LINS1: variants seen among roughly 807,000 people sequenced by gnomAD.
LINS1 encodes the protein lines homolog 1.
In LINS1, 27 loss-of-function variants were observed where a neutral mutation model predicts 41.6. The observed-to-expected ratio is 0.65, with a 90% confidence interval of 0.48 to 0.89. LINS1 has a LOEUF of 0.89. Ranked by LOEUF, LINS1 falls within the 40% of genes least tolerant of loss-of-function variation. LINS1 has a pLI of 0.00. For synonymous variants in LINS1, 336 were observed against 312.9 expected (o/e 1.07, Z -0.78); for missense variants, 955 against 884.1 (o/e 1.08, Z -1.02).
At chr15:100,579,187 A>T (rs2038376922) in intron 3 of LINS1, among the ~76,000 whole-genome samples, 1 of 148,394 alleles carries the variant, frequency 6.7e-6, no homozygotes, top group Non-Finnish European at 1.5e-5. Flanking sequence ...AAATATATAT[A>T]TAAAAAAATA....
Position 100,580,781 on chromosome 15 carries a change from A to T in LINS1, c.62T>A (p.Leu21His). The change falls in exon 2 of 7, where the codon CTT (leucine) becomes CAT (histidine). Residue 21 changes from leucine to histidine, a missense_variant. Coordinates refer to ENST00000314742, the MANE Select transcript of LINS1 (RefSeq NM_001040616.3). ...LYKKVLLGAT[L>H]ENDSHDYIFY... ...GATGTAATCATGGCTGTCATTTTCA[A>T]GTGTGGCTCCAAGAAGTACCTTCTT... The T allele has an allele frequency of 6.2e-7, 1 of 1,609,940 alleles. No individual in the cohort carries two copies. The highest frequency in any genetic ancestry group is 8.5e-7 in the Non-Finnish European group (1 of 1,177,234).
At chr15:100,589,771 T>A (rs1054641803) in intron 1 of LINS1, among the ~76,000 whole-genome samples, 3 of 152,228 alleles carry the variant, frequency 2.0e-5, no homozygotes, top group Non-Finnish European at 4.4e-5. Context: ...GGGATTTTAT[T>A]CAATTATTAT....
Position 100,574,024 on chromosome 15 carries a change from C to CA in LINS1, c.848dup (p.Met283IlefsTer14). ...GAATAGGCCAGGTAATAACTTCTAG[C>CA]ATGCAAGATGGTTTCAAAAATAAAA... On this transcript the variant is annotated frameshift_variant, in exon 5 of 7. Coordinates refer to ENST00000314742, the MANE Select transcript of LINS1 (RefSeq NM_001040616.3). LOFTEE classifies it high-confidence loss of function. 6.2e-7 allele frequency: 1 copy of CA among 1,613,974 alleles called. No homozygotes were observed. Among genetic ancestry groups the CA allele is most frequent in the Non-Finnish European group, 8.5e-7 (1 of 1,179,844 alleles).
At position 100,571,799 on chromosome 15, in the gene LINS1, G is replaced by A. The variant is rs887031976; in HGVS notation, c.1394+95C>T. The A allele has an allele frequency of 4.2e-6, 6 of 1,416,344 alleles. No homozygotes were observed. The Admixed American group carries it at 5.1e-5, about 12-fold the overall frequency. The allele number at this position is 1,416,344 out of a possible 1,614,324, so 87.7% of individuals were successfully genotyped here. ...TGCAACAGGATGTTTTCCCCCAAAT[G>A]ATGAAAGTAAGCAACACGCCCAGCA... On this transcript the variant is annotated intron_variant, in intron 6 of 6. Transcript: ENST00000314742.
At chr15:100,572,325 CA>C in intron 5 of LINS1, 3 of 1,256,950 alleles carry the variant, frequency 2.4e-6, no homozygotes, top group Non-Finnish European at 2.0e-6. Context: ...AACTGCCTAA[CA>C]ACTGTCTCTT....
intron 3 of LINS1, among the ~76,000 whole-genome samples, chr15:100,575,787 C>T (rs2038137659): frequency 6.6e-6 from 1 of 152,174 alleles, no homozygotes; most frequent in Admixed American, 6.5e-5. Context: ...AAGCACTCCT[C>T]AGCAAATGTA....
At chr15:100,573,554 A>C in intron 5 of LINS1, 97 bp downstream of exon 5, 1 of 863,584 alleles carries the variant, frequency 1.2e-6, no homozygotes, top group African/African-American at 1.7e-5. Flanking sequence ...AGCTTAAATT[A>C]CTGGAATTTA....
Position 100,569,466 on chromosome 15 carries a change from C to G in LINS1, c.2046G>C (p.Leu682=). 1 of 1,614,136 alleles carries G rather than the reference C, an allele frequency of 6.2e-7. No homozygotes were observed. The highest frequency in any genetic ancestry group is 8.5e-7 in the Non-Finnish European group (1 of 1,180,016). ...EFSLEPPSRP[L]VLKEFDTAFS... ...AGGCAGTATCAAATTCTTTCAGAACCAGAGGCCTTGATGGAGGCTCAAGGC... is the reference window on the plus strand; with the variant it reads ...AGGCAGTATCAAATTCTTTCAGAACGAGAGGCCTTGATGGAGGCTCAAGGC... Residue 682 remains leucine, a synonymous_variant, in exon 7 of 7, where the codon CTG becomes CTC. Coordinates refer to ENST00000314742, the MANE Select transcript of LINS1 (RefSeq NM_001040616.3).
chr15:100,569,799 T>C lies in LINS1; in HGVS notation c.1713A>G (p.Gln571=), dbSNP rs1305600258. The change falls in exon 7 of 7, where the codon CAA becomes CAG. Residue 571 remains glutamine, a synonymous_variant. Coordinates refer to ENST00000314742, the MANE Select transcript of LINS1 (RefSeq NM_001040616.3). The stretch of plus-strand genomic sequence containing the variant: ...GAGCAGTCAAACGATGGGGTATTGT[T>C]TGGTTGGAGCTTTGGTCTTGGACAA... ...PSLVQDQSSN[Q]TIPHRLTAPH... is the part of the protein sequence containing the mutation. 1.2e-6 allele frequency: 2 copies of C among 1,613,986 alleles called. No individual in the cohort carries two copies. Among genetic ancestry groups the C allele is most frequent in the African/African-American group, 2.7e-5 (2 of 74,906 alleles).
At chr15:100,573,535 A>T in intron 5 of LINS1, 116 bp downstream of exon 5, 1 of 794,460 alleles carries the variant, frequency 1.3e-6, no homozygotes, top group East Asian at 2.7e-5. Context: ...TACAAATAGG[A>T]TAACATACAG....
chr15:100,593,563 G>C (rs113424352), intron 1 of LINS1, among the ~76,000 whole-genome samples: 153 of 56,848 alleles, frequency 2.7e-3, no homozygotes, highest in South Asian at 4.4e-3. Flanking sequence ...ACTTTATGGG[G>C]GGGGGGGGTG....
chr15:100,570,377 C>T (rs1052300410), intron 6 of LINS1: 10 of 357,806 alleles, frequency 2.8e-5, no homozygotes, highest in Admixed American at 4.4e-5. Flanking sequence ...TTCTTTCTCT[C>T]GACATCAGAA....
intron 1 of LINS1, among the ~76,000 whole-genome samples, chr15:100,582,512 C>T (rs111424020): frequency 1.0e-4 from 13 of 125,410 alleles, no homozygotes; most frequent in East Asian, 2.7e-4. Context: ...TATGGCCCAC[C>T]AGCCTAGTCT....
intron 1 of LINS1, among the ~76,000 whole-genome samples, chr15:100,583,673 C>A (rs1431756598): frequency 6.6e-6 from 1 of 152,190 alleles, no homozygotes; most frequent in Non-Finnish European, 1.5e-5. Context: ...CAAATAGGAC[C>A]TACTTCTACC....
At chr15:100,581,429 A>G (rs2038537988) in intron 1 of LINS1, among the ~76,000 whole-genome samples, 1 of 152,222 alleles carries the variant, frequency 6.6e-6, no homozygotes, top group Admixed American at 6.5e-5. Context: ...TCCAGTTGAG[A>G]ACCACTGAGC....
intron 6 of LINS1, 64 bp downstream of exon 6, chr15:100,571,830 T>A (rs2037843692): frequency 6.3e-7 from 1 of 1,582,902 alleles, no homozygotes. Context: ...CAGCACATTC[T>A]CAGAAATGTT....
At chr15:100,598,188 T>A (rs183615676) in intron 1 of LINS1, among the ~76,000 whole-genome samples, 1 of 152,348 alleles carries the variant, frequency 6.6e-6, no homozygotes. Flanking sequence ...ATTTTTATGA[T>A]TTAGAGTTGT....
chr15:100,583,115 G>A (rs1429990463), intron 1 of LINS1, among the ~76,000 whole-genome samples: 1 of 151,270 alleles, frequency 6.6e-6, no homozygotes, highest in Non-Finnish European at 1.5e-5. Context: ...GTCTTATACT[G>A]GGTCTTCCAT....
At chr15:100,595,099 A>G (rs1426263004) in intron 1 of LINS1, among the ~76,000 whole-genome samples, 1 of 152,120 alleles carries the variant, frequency 6.6e-6, no homozygotes, top group Non-Finnish European at 1.5e-5. Context: ...AAACTTTTAG[A>G]AAAAAAATGT....
Sources: allele counts gnomAD v4.1 joint callset (sites outside exome capture counted in the v4.1 genomes callset), GRCh38; gene constraint gnomAD v4.1.1; transcripts MANE v1.5; gene names NCBI Gene and HGNC (gene_info 2026-07-23, HGNC 2026-07-21).